Variants in CEP295 observed in about 807,000 individuals in gnomAD.
The protein encoded by CEP295 is centrosomal protein 295, also known as centrosomal protein of 295 kDa.
In CEP295, 190 loss-of-function variants were observed where a neutral mutation model predicts 291.6. The ratio of observed to expected loss-of-function variants is 0.65; its 90% confidence interval spans 0.58 to 0.73. CEP295 has a LOEUF of 0.73. Ranked by LOEUF, CEP295 falls within the 30% of genes least tolerant of loss-of-function variation. The pLI, the probability that CEP295 is intolerant of heterozygous loss-of-function variation, is 0.00. For missense variants in CEP295, 2,863 were observed against 2,949.4 expected (o/e 0.97, Z 0.68); for synonymous variants, 993 against 1,038.8 (o/e 0.96, Z 0.85).
rs1022121615 is a variant in CEP295 at position 93,697,039 on chromosome 11, T to G, written c.2127T>G (p.His709Gln). The G allele has an allele frequency of 6.4e-7, 1 of 1,551,438 alleles. No homozygotes were observed. The highest frequency in any genetic ancestry group is 1.4e-5 in the African/African-American group (1 of 73,030). ...LTNQALESQE[H>Q]LRQFSQTETQ... ...ATCAAGCTTTAGAATCACAAGAACA[T>G]CTAAGGCAATTCTCTCAGACTGAAA... Residue 709 changes from histidine to glutamine, a missense_variant, in exon 15 of 30, where the codon CAT becomes CAG. By Grantham distance (24) the His-to-Gln change is conservative. Around this residue, in one of 3 missense-constraint regions of CEP295, gnomAD observed 2,295 missense variants for 2,335.7 expected, o/e 0.98. Coordinates refer to ENST00000325212, the MANE Select transcript of CEP295 (RefSeq NM_033395.2).
intron 12 of CEP295, among the ~76,000 whole-genome samples, chr11:93,692,972 C>CAA (rs780110779): frequency 4.9e-4 from 38 of 77,790 alleles, no homozygotes; most frequent in African/African-American, 1.4e-3. Context: ...GACTCTATCT[C>CAA]AAAAAAAAAA....
intron 12 of CEP295, among the ~76,000 whole-genome samples, chr11:93,692,724 G>C (rs1951630555): frequency 6.6e-6 from 1 of 151,966 alleles, no homozygotes; most frequent in African/African-American, 2.4e-5. Context: ...TGAAATCCCA[G>C]CACTTTGGGA....
At chr11:93,691,586 C>T (rs555996865) in intron 10 of CEP295, 97 bp from the exon 11 acceptor site, 165 of 729,522 alleles carry the variant, frequency 2.3e-4, no homozygotes, top group Non-Finnish European at 3.7e-4. Flanking sequence ...ATTCAGATGG[C>T]CCTAGATTGA....
At chr11:93,700,736 G>C (rs921579140) in intron 15 of CEP295, among the ~76,000 whole-genome samples, 1 of 152,028 alleles carries the variant, frequency 6.6e-6, no homozygotes, top group African/African-American at 2.4e-5. Flanking sequence ...AAACAATGTA[G>C]ATTCTTATTT....
chr11:93,679,330 GA>G (rs1950850841), intron 6 of CEP295, 81 bp from the exon 7 acceptor site: 3 of 1,165,122 alleles, frequency 2.6e-6, no homozygotes, highest in Non-Finnish European at 3.6e-6. Context: ...TAGAAAACAT[GA>G]TTTTAAGGTT....
intron 17 of CEP295, among the ~76,000 whole-genome samples, chr11:93,705,749 C>T (rs1026169741): frequency 1.3e-5 from 2 of 152,016 alleles, no homozygotes; most frequent in East Asian, 1.9e-4. Flanking sequence ...CATATTTGAA[C>T]GGGATGCTAA....
Position 93,706,798 on chromosome 11 carries a change from G to A in CEP295, c.5650G>A (p.Glu1884Lys), listed in dbSNP as rs1161558705. The stretch of plus-strand genomic sequence containing the variant: ...CCCCCTGCGAGTCTCAATAAGCCGA[G>A]AACAAAGTTTCTTTGGGAGCCCACT... ...RDPLRVSISR[E>K]QSFFGSPLAH... The change falls in exon 18 of 30, where the codon GAA becomes AAA. Residue 1884 changes from glutamate to lysine, a missense_variant. Around this residue, in one of 3 missense-constraint regions of CEP295, gnomAD observed 2,295 missense variants for 2,335.7 expected, o/e 0.98. Coordinates refer to ENST00000325212, the MANE Select transcript of CEP295 (RefSeq NM_033395.2). The A allele has an allele frequency of 6.4e-7, 1 of 1,550,428 alleles. No individual in the cohort carries two copies. Among genetic ancestry groups the A allele is most frequent in the Non-Finnish European group, 8.7e-7 (1 of 1,146,382 alleles).
chr11:93,717,116 G>A (rs1342687677), intron 18 of CEP295, among the ~76,000 whole-genome samples: 1 of 152,198 alleles, frequency 6.6e-6, no homozygotes, highest in Admixed American at 6.5e-5. Flanking sequence ...GGACAAGTCA[G>A]CCTAATACAG....
chr11:93,725,233 T>TGA (rs926889835), intron 22 of CEP295, among the ~76,000 whole-genome samples: 2 of 150,600 alleles, frequency 1.3e-5, no homozygotes, highest in African/African-American at 4.9e-5. Context: ...GACAACATAG[T>TGA]GAGACCCCAT....
rs576194967 is a variant in CEP295 at position 93,667,563 on chromosome 11, A to G, written c.109-44A>G. 67 of 1,422,012 alleles carry G rather than the reference A, an allele frequency of 4.7e-5. No homozygotes were observed. In the African/African-American group the frequency reaches 8.1e-4, roughly 17 times the overall value. The allele number at this position is 1,422,012 out of a possible 1,614,324, so 88.1% of individuals were successfully genotyped here. On this transcript the variant is annotated intron_variant, in intron 2 of 29. Coordinates refer to ENST00000325212, the MANE Select transcript of CEP295 (RefSeq NM_033395.2). ...CCAAATAGCTTTTCAAAAAAGTTTA[A>G]GTAAACCTCCTTTCATATAACCTGT...
At chr11:93,724,015 A>G in intron 21 of CEP295, 1 of 259,242 alleles carries the variant, frequency 3.9e-6, no homozygotes, top group East Asian at 7.4e-5. Context: ...ATAAAACTTA[A>G]AAAGTTTTGG....
intron 9 of CEP295, among the ~76,000 whole-genome samples, chr11:93,685,513 C>T (rs1951187582): frequency 6.6e-6 from 1 of 152,114 alleles, no homozygotes; most frequent in Non-Finnish European, 1.5e-5. Flanking sequence ...CAAACGGAAG[C>T]CTAAGGTTAC....
At chr11:93,720,368 G>A (rs558346479) in intron 18 of CEP295, among the ~76,000 whole-genome samples, 25 of 151,504 alleles carry the variant, frequency 1.7e-4, no homozygotes, top group South Asian at 1.3e-3. Context: ...AGCTACTCAG[G>A]AGGCTGAGGC....
chr11:93,697,318 T>C lies in CEP295; in HGVS notation c.2406T>C (p.Val802=), dbSNP rs1402414379. The change falls in exon 15 of 30, where the codon GTT becomes GTC. Residue 802 remains valine, a synonymous_variant. Coordinates refer to ENST00000325212, the MANE Select transcript of CEP295 (RefSeq NM_033395.2). ...CTTTTAGTTCTCTGCCTGTTAAAGT[T>C]GAGTCAGGAAAAATTCAAGAACCCT... is the stretch of plus-strand genomic sequence containing the variant. ...QHSFSSLPVK[V]ESGKIQEPFS... 5 of 1,551,766 alleles carry C rather than the reference T, an allele frequency of 3.2e-6. No individual in the cohort carries two copies. Among genetic ancestry groups the C allele is most frequent in the East Asian group, 4.9e-5 (2 of 40,920 alleles).
intron 6 of CEP295, among the ~76,000 whole-genome samples, chr11:93,676,986 CTGAA>C (rs1222574367): frequency 6.6e-6 from 1 of 152,022 alleles, no homozygotes; most frequent in African/African-American, 2.4e-5. Flanking sequence ...GCTTTGTGTA[CTGAA>C]TGAAGATATG....
intron 26 of CEP295, 40 bp from the exon 27 acceptor site, chr11:93,729,574 C>T (rs1938086928): frequency 2.6e-6 from 4 of 1,549,778 alleles, no homozygotes; most frequent in South Asian, 2.4e-5. Context: ...AAAGTAGATA[C>T]TTTGCCTATT....
chr11:93,706,772 A>AC lies in CEP295; in HGVS notation c.5629dup (p.Leu1877ProfsTer19), dbSNP rs1403232829. ...AAACCAGGTATTTATGAAGACAGAGACCCCCTGCGAGTCTCAATAAGCCGA... is the reference window on the plus strand; with the variant it reads ...AAACCAGGTATTTATGAAGACAGAGACCCCCCTGCGAGTCTCAATAAGCCGA... On this transcript the variant is annotated frameshift_variant, in exon 18 of 30. Transcript: ENST00000325212. LOFTEE classifies it high-confidence loss of function. 1.3e-6 allele frequency: 2 copies of AC among 1,545,242 alleles called. No homozygotes were observed. The highest frequency in any genetic ancestry group is 1.7e-6 in the Non-Finnish European group (2 of 1,144,134).
At chr11:93,721,797 G>A in intron 19 of CEP295, 157 bp from the exon 20 acceptor site, 1 of 722,146 alleles carries the variant, frequency 1.4e-6, no homozygotes, top group South Asian at 1.5e-5. Context: ...AATCATTTCT[G>A]GGCAATGATG....
At chr11:93,721,653 G>C in intron 19 of CEP295, 1 of 724,214 alleles carries the variant, frequency 1.4e-6, no homozygotes. Context: ...AAAACAATAA[G>C]GGCATATGTC....
Sources: gnomAD v4.1 joint callset for allele counts (sites outside exome capture counted in the v4.1 genomes callset) on GRCh38, gnomAD v4.1.1 for gene constraint, gnomAD v4.1.1 regional missense constraint, MANE v1.5 for transcripts, NCBI Gene and HGNC (gene_info 2026-07-23, HGNC 2026-07-21) for gene names.